The following NCAM1 variants were observed in gnomAD, a reference collection of about 807,000 sequenced individuals.
The protein encoded by NCAM1 is neural cell adhesion molecule 1.
A neutral mutation model predicts 109.8 loss-of-function variants in NCAM1; 14 were observed. The observed-to-expected ratio is 0.13, with a 90% confidence interval of 0.08 to 0.20. The LOEUF (loss-of-function observed/expected upper bound fraction) is 0.20. Ranked by LOEUF, NCAM1 falls within the 10% of genes least tolerant of loss-of-function variation. The pLI is 1.00. For missense variants in NCAM1, 774 were observed against 1,109.9 expected, an observed-to-expected ratio of 0.70 and a Z score of 4.30; for synonymous variants, 418 against 442.9, an observed-to-expected ratio of 0.94 and a Z score of 0.70.
At chr11:113,108,936 C>A (rs1940306405) in intron 1 of NCAM1, among the ~76,000 whole-genome samples, 1 of 151,352 alleles carries the variant, frequency 6.6e-6, no homozygotes, top group South Asian at 2.1e-4. Context: ...TGGGGTTTCA[C>A]CATGTTGGCC....
At chr11:113,087,530 C>T (rs550565958) in intron 1 of NCAM1, among the ~76,000 whole-genome samples, 2 of 152,252 alleles carry the variant, frequency 1.3e-5, no homozygotes, top group East Asian at 3.9e-4. Context: ...CTCATTTTGT[C>T]TGTTCCTTTC....
At chr11:112,999,409 A>C (rs1279373621) in intron 1 of NCAM1, among the ~76,000 whole-genome samples, 1 of 152,170 alleles carries the variant, frequency 6.6e-6, no homozygotes, top group Non-Finnish European at 1.5e-5. Context: ...TGTTTTCTGG[A>C]ATATTTATAA....
rs782223470 is a variant in NCAM1 at position 113,202,331 on chromosome 11, G to T, written c.53-48G>T. ...ATGTACGTTTGAACTGAACTTTGTGGGTTTTTTTTTGTTTTTTGTTTTGTT... is the reference window on the plus strand; with the variant it reads ...ATGTACGTTTGAACTGAACTTTGTGTGTTTTTTTTTGTTTTTTGTTTTGTT... On this transcript the variant is annotated intron_variant, in intron 1 of 19. Transcript: ENST00000316851. 4.6e-6 allele frequency: 6 copies of T among 1,299,118 alleles called. No individual in the cohort carries two copies. The African/African-American group carries it at 7.8e-5, about 17-fold the overall frequency. 80.5% of individuals were successfully genotyped at this position (1,299,118 alleles called of 1,614,324 possible).
intron 1 of NCAM1, among the ~76,000 whole-genome samples, chr11:113,108,628 T>C (rs1489430057): frequency 2.0e-5 from 3 of 152,296 alleles, no homozygotes; most frequent in Non-Finnish European, 4.4e-5. Context: ...ATATCCTTTC[T>C]TCATATGCTC....
chr11:113,136,646 C>T (rs1026212825), intron 1 of NCAM1, among the ~76,000 whole-genome samples: 2 of 152,162 alleles, frequency 1.3e-5, no homozygotes, highest in African/African-American at 4.8e-5. Context: ...TTCTCTCCGT[C>T]TCAGTGATCT....
intron 17 of NCAM1, chr11:113,265,270 T>A (rs638960): frequency 0.12 from 66,822 of 562,942 alleles, 4,660 homozygotes; most frequent in African/African-American, 0.25. Flanking sequence ...CCTCCGCCTC[T>A]CATGTACCTG....
chr11:113,009,312 G>GTTTTTTTGTTGTTGTTTTTTTTTTTTTTT lies in NCAM1; in HGVS notation c.52+47655_52+47656insGTTGTTGTTTTTTTTTTTTTTTTTTTTTT, dbSNP rs1555073910. Among the ~76,000 whole-genome samples, 30 of 79,688 alleles carry GTTTTTTTGTTGTTGTTTTTTTTTTTTTTT rather than the reference G, an allele frequency of 3.8e-4. 1 individual carries two copies. The highest frequency in any genetic ancestry group is 2.6e-3 in the East Asian group (5 of 1,918). The allele number at this position is 79,688 out of a possible 152,430, so 52.3% of individuals were successfully genotyped here. A position where few individuals can be genotyped will look rare whatever the true frequency, so the allele number is the denominator to read the frequency against. ...GATTTAATTGGAAGGGTTTTTTCGG[G>GTTTTTTTGTTGTTGTTTTTTTTTTTTTTT]TTTTTTTTTTTTTTTTTTTTTTTTT... On this transcript the variant is annotated intron_variant, in intron 1 of 19. Coordinates refer to ENST00000316851, the MANE Select transcript of NCAM1 (RefSeq NM_181351.5).
chr11:113,124,405 A>G (rs1170046282), intron 1 of NCAM1, among the ~76,000 whole-genome samples: 2 of 152,188 alleles, frequency 1.3e-5, no homozygotes, highest in African/African-American at 4.8e-5. Context: ...AGTCCTACTC[A>G]GGACTCTGCT....
intron 1 of NCAM1, among the ~76,000 whole-genome samples, chr11:112,991,033 C>T (rs782574299): frequency 3.9e-5 from 6 of 152,156 alleles, no homozygotes; most frequent in South Asian, 2.1e-4. Context: ...ACCATCTTAC[C>T]GGTGTTCTCT....
chr11:113,060,160 A>C (rs1325956313), intron 1 of NCAM1, among the ~76,000 whole-genome samples: 2 of 151,956 alleles, frequency 1.3e-5, no homozygotes, highest in Non-Finnish European at 1.5e-5. Flanking sequence ...TGCTTCACTT[A>C]AAAAGACAAT....
At chr11:113,228,202 A>G (rs536067186) in intron 9 of NCAM1, among the ~76,000 whole-genome samples, 5 of 152,198 alleles carry the variant, frequency 3.3e-5, no homozygotes, top group Non-Finnish European at 7.3e-5. Flanking sequence ...TCAGCCCCAA[A>G]TCTCCTTAAG....
intron 1 of NCAM1, among the ~76,000 whole-genome samples, chr11:113,005,232 G>A (rs1555073119): frequency 2.0e-5 from 3 of 152,166 alleles, no homozygotes; most frequent in African/African-American, 7.2e-5. Context: ...TCTCTTTCAT[G>A]TGAGAGGCTT....
intron 4 of NCAM1, 134 bp downstream of exon 4, chr11:113,205,800 T>C: frequency 3.1e-6 from 4 of 1,278,362 alleles, no homozygotes; most frequent in South Asian, 1.5e-5. Context: ...TTCTGGGTCC[T>C]GAATAGATGC....
At chr11:113,216,560 C>T (rs1461499623) in intron 8 of NCAM1, among the ~76,000 whole-genome samples, 1 of 152,186 alleles carries the variant, frequency 6.6e-6, no homozygotes, top group Non-Finnish European at 1.5e-5. Context: ...CTAGTAGTGA[C>T]TACTTTTTAT....
chr11:113,159,684 G>T (rs1942533256), intron 1 of NCAM1, among the ~76,000 whole-genome samples: 1 of 151,876 alleles, frequency 6.6e-6, no homozygotes, highest in Non-Finnish European at 1.5e-5. Flanking sequence ...CAAAAGGGGT[G>T]GTTCATCTAC....
chr11:112,976,752 T>C (rs1194666034), intron 1 of NCAM1, among the ~76,000 whole-genome samples: 1 of 151,960 alleles, frequency 6.6e-6, no homozygotes. Context: ...GATCTATATA[T>C]ATTTTTGAAA....
intron 7 of NCAM1, among the ~76,000 whole-genome samples, 188 bp downstream of exon 7, chr11:113,208,190 G>T (rs543789338): frequency 1.3e-5 from 2 of 152,196 alleles, no homozygotes; most frequent in South Asian, 4.1e-4. Flanking sequence ...GCAGTGGGAC[G>T]GTCTCATAGC....
At chr11:113,075,443 A>G (rs1938486889) in intron 1 of NCAM1, among the ~76,000 whole-genome samples, 2 of 152,172 alleles carry the variant, frequency 1.3e-5, no homozygotes, top group South Asian at 4.1e-4. Context: ...TGCATATGGC[A>G]TCTGGAAATG....
chr11:113,240,607 G>A, intron 14 of NCAM1: 1 of 637,406 alleles, frequency 1.6e-6, no homozygotes, highest in East Asian at 2.6e-5. Context: ...ACGTTAGAGA[G>A]AGCCCTGCTC....
Sources: gnomAD v4.1 joint callset for allele counts (sites outside exome capture counted in the v4.1 genomes callset) on GRCh38, gnomAD v4.1.1 for gene constraint, MANE v1.5 for transcripts, NCBI Gene and HGNC (gene_info 2026-07-23, HGNC 2026-07-21) for gene names.